The following FAR2 variants were observed in gnomAD, a reference collection of about 807,000 sequenced individuals.
FAR2 encodes fatty acyl-CoA reductase 2.
Under a neutral mutation model 56.0 loss-of-function variants are expected in FAR2, and 19 were observed. That is an observed-to-expected ratio of 0.34 (90% confidence interval 0.24 to 0.50). The LOEUF (loss-of-function observed/expected upper bound fraction) is 0.50. Ranked by LOEUF, FAR2 falls within the 20% of genes least tolerant of loss-of-function variation. The pLI is 0.98. For missense variants in FAR2, 508 were observed against 642.2 expected, an observed-to-expected ratio of 0.79 and a Z score of 2.26; for synonymous variants, 219 against 218.8, an observed-to-expected ratio of 1.00 and a Z score of -0.01.
At chr12:29,318,813 A>G (rs1235782903) in intron 9 of FAR2, among the ~76,000 whole-genome samples, 1 of 152,038 alleles carries the variant, frequency 6.6e-6, no homozygotes, top group African/African-American at 2.4e-5. Context: ...ATCAGTGTGC[A>G]TGCCTCTTTG....
At chr12:29,236,076 T>C (rs567211090) in intron 1 of FAR2, among the ~76,000 whole-genome samples, 137 of 152,198 alleles carry the variant, frequency 9.0e-4, no homozygotes, top group Middle Eastern at 6.8e-3. Flanking sequence ...AAATGATAAA[T>C]GTAAGAGGTG....
intron 2 of FAR2, among the ~76,000 whole-genome samples, chr12:29,271,074 C>A (rs1233187667): frequency 6.6e-6 from 1 of 152,150 alleles, no homozygotes; most frequent in Admixed American, 6.5e-5. Flanking sequence ...TGCAGTGATA[C>A]TTTCAGTTGT....
rs144521093 is a variant in FAR2, at chr12:29,286,039, G to A, written c.190-7261G>A. 7.0e-3 allele frequency among the ~76,000 whole-genome samples: 1,030 copies of A among 147,120 alleles called. 12 individuals carry two copies. The highest frequency in any genetic ancestry group is 0.025 in the African/African-American group (975 of 39,418). On this transcript the variant is annotated intron_variant, in intron 2 of 11. Coordinates refer to ENST00000536681, the MANE Select transcript of FAR2 (RefSeq NM_001271783.2). The stretch of plus-strand genomic sequence containing the variant: ...TGGATCACAGGATAAAATCAGAAAC[G>A]TTGGCATGACCCAACACACACACAG...
intron 2 of FAR2, among the ~76,000 whole-genome samples, chr12:29,291,689 C>A (rs1486440800): frequency 6.6e-6 from 1 of 152,126 alleles, no homozygotes; most frequent in Non-Finnish European, 1.5e-5. Context: ...TTGTGGACAG[C>A]GTTATGAAAA....
At chr12:29,284,843 G>T (rs117696043) in intron 2 of FAR2, among the ~76,000 whole-genome samples, 1 of 141,622 alleles carries the variant, frequency 7.1e-6, no homozygotes, top group Admixed American at 7.0e-5. Context: ...TTGTTTGTTT[G>T]TTTGTTTGTT....
Position 29,308,707 on chromosome 12 carries a change from C to CATATATATATATATATATAT in FAR2, c.724-478_724-477insTATATATATATATATATATA, listed in dbSNP as rs1253144255. On this transcript the variant is annotated intron_variant, in intron 5 of 11. Coordinates refer to ENST00000536681, the MANE Select transcript of FAR2 (RefSeq NM_001271783.2). ...ACACACAGACACACACACACACACA[C>CATATATATATATATATATAT]ACACACACACACATATATATATATA... 4.8e-4 allele frequency among the ~76,000 whole-genome samples: 66 copies of CATATATATATATATATATAT among 136,950 alleles called. 2 individuals are homozygous for CATATATATATATATATATAT. The highest frequency in any genetic ancestry group is 1.6e-3 in the African/African-American group (50 of 30,736). The allele number at this position is 136,950 out of a possible 152,430, so 89.8% of individuals were successfully genotyped here.
rs1948601837 is a variant in FAR2 at position 29,270,625 on chromosome 12, T to A, written c.176T>A (p.Ile59Asn). 6.2e-7 allele frequency: 1 copy of A among 1,611,986 alleles called. No individual in the cohort carries two copies. The highest frequency in any genetic ancestry group is 1.7e-5 in the Admixed American group (1 of 59,902). ...ACACTGCAGCAGAGGGTTTTCCAGA[T>A]CCTAGACAGTAAGGTATGCCTTATA... is the stretch of plus-strand genomic sequence containing the variant. Reference protein sequence around the residue: ...GQTLQQRVFQILDSKLFEKVK... With the variant: ...GQTLQQRVFQNLDSKLFEKVK... Residue 59 changes from isoleucine (I) to asparagine (N), a missense_variant, in exon 2 of 12, where the codon ATC (isoleucine) becomes AAC (asparagine). Coordinates refer to ENST00000536681, the MANE Select transcript of FAR2 (RefSeq NM_001271783.2).
intron 1 of FAR2, among the ~76,000 whole-genome samples, chr12:29,261,518 A>G (rs1016260803): frequency 6.6e-6 from 1 of 152,202 alleles, no homozygotes; most frequent in Admixed American, 6.5e-5. Flanking sequence ...AGGGATAATA[A>G]CAGAGAAATT....
intron 1 of FAR2, among the ~76,000 whole-genome samples, chr12:29,254,920 T>C (rs1443616037): frequency 6.8e-6 from 1 of 147,882 alleles, no homozygotes; most frequent in Non-Finnish European, 1.5e-5. Context: ...ACCACTGCAC[T>C]CCAGCCTGGG....
At chr12:29,278,814 T>A (rs1948742306) in intron 2 of FAR2, among the ~76,000 whole-genome samples, 1 of 152,222 alleles carries the variant, frequency 6.6e-6, no homozygotes, top group Non-Finnish European at 1.5e-5. Flanking sequence ...GGGAAAAATG[T>A]TTAAAATTGC....
At chr12:29,333,579 T>C (rs1181594105) in intron 11 of FAR2, 53 bp from the exon 12 acceptor site, 5 of 1,473,894 alleles carry the variant, frequency 3.4e-6, no homozygotes, top group Non-Finnish European at 4.7e-6. Context: ...CTTCAGATAA[T>C]GTGGTTGGGT....
At position 29,297,053 on chromosome 12, in the gene FAR2, G is replaced by A. The variant is rs770667330; in HGVS notation, c.398G>A (p.Arg133Gln). 2.7e-5 allele frequency: 44 copies of A among 1,609,270 alleles called. No individual in the cohort carries two copies. The highest frequency in any genetic ancestry group is 2.0e-4 in the East Asian group (9 of 44,718). Residue 133 changes from arginine (R) to glutamine (Q), a missense_variant, in exon 4 of 12, where the codon CGG becomes CAG. Physicochemically the swap from Arg to Gln is conservative, Grantham distance 43. Coordinates refer to ENST00000536681, the MANE Select transcript of FAR2 (RefSeq NM_001271783.2). ...HAVQLNVTAT[R>Q]QLLLMASQMP... is the part of the protein sequence containing the mutation. Reference sequence around the variant, plus strand: ...GTGCAACTTAACGTCACTGCCACCCGGCAGCTCTTGCTTATGGCTAGTCAG... The same window carrying A: ...GTGCAACTTAACGTCACTGCCACCCAGCAGCTCTTGCTTATGGCTAGTCAG...
intron 1 of FAR2, among the ~76,000 whole-genome samples, chr12:29,256,109 T>C (rs1377973010): frequency 2.0e-5 from 3 of 152,122 alleles, no homozygotes; most frequent in Non-Finnish European, 4.4e-5. Flanking sequence ...TGACCTCAGG[T>C]GATCCACCCA....
At chr12:29,235,418 C>T (rs1170112952) in intron 1 of FAR2, among the ~76,000 whole-genome samples, 2 of 152,104 alleles carry the variant, frequency 1.3e-5, no homozygotes, top group African/African-American at 2.4e-5. Flanking sequence ...GTGGAAAAAT[C>T]CTCTTATGTA....
In FAR2 at chr12:29,270,658, G is replaced by C; in HGVS notation, c.189+20G>C. ...AGTAAGGTATGCCTTATAGGAAAGC[G>C]TGTGTGATGGGCAATGCCTTAGGGC... On this transcript the variant is annotated intron_variant, in intron 2 of 11. Transcript: ENST00000536681. The C allele has an allele frequency of 6.3e-7, 1 of 1,581,444 alleles. No homozygotes were observed. The highest frequency in any genetic ancestry group is 8.6e-7 in the Non-Finnish European group (1 of 1,158,804).
Position 29,160,968 on chromosome 12 carries a change from T to C in FAR2, c.-39+11561T>C, listed in dbSNP as rs184697683. Among the ~76,000 whole-genome samples, 214 of 152,338 alleles carry C rather than the reference T, an allele frequency of 1.4e-3. 1 individual carries two copies. The South Asian group carries it at 0.02, about 14-fold the overall frequency. ...CCCATAACACCCAGGAAATTATTAC[T>C]TGACTTCTTATTATCACAATGGAAA... On this transcript the variant is annotated intron_variant, in intron 1 of 11. Transcript: ENST00000536681.
At chr12:29,173,077 T>G (rs775622197) in intron 1 of FAR2, among the ~76,000 whole-genome samples, 2 of 152,266 alleles carry the variant, frequency 1.3e-5, no homozygotes, top group Non-Finnish European at 2.9e-5. Context: ...AACAGTAGCA[T>G]GACTTCTCTC....
intron 4 of FAR2, among the ~76,000 whole-genome samples, chr12:29,303,208 C>T (rs1374450893): frequency 6.6e-6 from 1 of 152,130 alleles, no homozygotes; most frequent in Admixed American, 6.5e-5. Context: ...CTTAACTCTG[C>T]AGATGTATTT....
At chr12:29,202,136 A>T (rs79759168) in intron 1 of FAR2, among the ~76,000 whole-genome samples, 4 of 93,630 alleles carry the variant, frequency 4.3e-5, no homozygotes, top group Non-Finnish European at 7.8e-5. Context: ...CTAATTTATT[A>T]TTATTATTAT....
Sources: gnomAD v4.1 joint callset for allele counts (sites outside exome capture counted in the v4.1 genomes callset) on GRCh38, gnomAD v4.1.1 for gene constraint, MANE v1.5 for transcripts, NCBI Gene and HGNC (gene_info 2026-07-23, HGNC 2026-07-21) for gene names.